SORCS1: variants seen among roughly 807,000 people sequenced by gnomAD.
The protein encoded by SORCS1 is VPS10 domain-containing receptor SorCS1.
A neutral mutation model predicts 146.1 loss-of-function variants in SORCS1; 60 were observed. That is an observed-to-expected ratio of 0.41 (90% CI 0.33 to 0.51). The LOEUF is 0.51. SORCS1 is among the 20% of genes least tolerant of loss of function. SORCS1 has a pLI of 0.21. For synonymous variants in SORCS1, 637 were observed against 584.0 expected, an observed-to-expected ratio of 1.09 and a Z score of -1.31; for missense variants, 1,352 against 1,487.6, an observed-to-expected ratio of 0.91 and a Z score of 1.50.
chr10:106,605,766 T>C (rs1431017969), intron 23 of SORCS1, among the ~76,000 whole-genome samples: 3 of 152,196 alleles, frequency 2.0e-5, no homozygotes, highest in Non-Finnish European at 2.9e-5. Context: ...GGGCTTTCCA[T>C]GAGAGCTCTG....
At chr10:106,976,424 C>G (rs1442910265) in intron 1 of SORCS1, among the ~76,000 whole-genome samples, 1 of 149,804 alleles carries the variant, frequency 6.7e-6, no homozygotes, top group African/African-American at 2.4e-5. Flanking sequence ...CTCCGCCTCC[C>G]GGGTTCACGC....
chr10:106,645,174 T>A (rs993176106), intron 18 of SORCS1, among the ~76,000 whole-genome samples: 4 of 146,656 alleles, frequency 2.7e-5, no homozygotes, highest in African/African-American at 7.5e-5. Context: ...CTTATTATTT[T>A]TTTTTTTTTT....
At chr10:106,731,292 CAAAAAAAAAAAAAAAAAA>C (rs57238882) in intron 5 of SORCS1, among the ~76,000 whole-genome samples, 1 of 23,762 alleles carries the variant, frequency 4.2e-5, no homozygotes, top group Non-Finnish European at 9.0e-5. Flanking sequence ...GACTCCGTCT[CAAAAAAAAAAAAAAAAAA>C]AAAAAAAAAA....
At chr10:107,103,803 C>G (rs1473496946) in intron 1 of SORCS1, among the ~76,000 whole-genome samples, 2 of 152,204 alleles carry the variant, frequency 1.3e-5, no homozygotes, top group South Asian at 4.1e-4. Flanking sequence ...TTATAAAACC[C>G]CTTTGTTCTC....
intron 3 of SORCS1, among the ~76,000 whole-genome samples, chr10:106,807,691 A>ACAAAAGCCTCTTCC (rs1947256879): frequency 6.6e-6 from 1 of 152,232 alleles, no homozygotes; most frequent in African/African-American, 2.4e-5. Context: ...GTAGTTTATA[A>ACAAAAGCCTCTTCC]CAAAAGCCTC....
intron 2 of SORCS1, among the ~76,000 whole-genome samples, chr10:106,947,317 A>T (rs916362960): frequency 2.6e-5 from 4 of 152,234 alleles, no homozygotes; most frequent in African/African-American, 9.6e-5. Flanking sequence ...GTACTTTATA[A>T]AGGTAAAATT....
At chr10:107,165,083 T>C (rs1970006510), upstream of SORCS1, among the ~76,000 whole-genome samples, 1 of 151,896 alleles carries the variant, frequency 6.6e-6, no homozygotes, top group Admixed American at 6.5e-5. This position sits in a 1 kb window ranked among gnomAD's most constrained non-coding sequence, Gnocchi z 4.0. Flanking sequence ...TTTCTATGAG[T>C]CTATGTTGCT....
intron 1 of SORCS1, among the ~76,000 whole-genome samples, chr10:107,019,523 C>T (rs1036187980): frequency 6.6e-6 from 1 of 152,172 alleles, no homozygotes; most frequent in African/African-American, 2.4e-5. Context: ...CCAGACTGAA[C>T]TTTTAGTTCA....
At chr10:107,115,829 G>C (rs1410508246) in intron 1 of SORCS1, among the ~76,000 whole-genome samples, 1 of 152,000 alleles carries the variant, frequency 6.6e-6, no homozygotes, top group East Asian at 1.9e-4. Flanking sequence ...GAATGAGAGA[G>C]AATGTTTGCA....
intron 6 of SORCS1, 64 bp from the exon 7 acceptor site, chr10:106,709,405 G>C: frequency 1.1e-6 from 1 of 891,514 alleles, no homozygotes; most frequent in Admixed American, 2.1e-5. Context: ...GAGATTTACA[G>C]TCAGGGTGGA....
the SORCS1 span, among the ~76,000 whole-genome samples, chr10:107,178,598 A>G: frequency 1.3e-5 from 2 of 151,912 alleles, 1 homozygote; most frequent in South Asian, 4.2e-4. Context: ...TCCCGGGTTC[A>G]AGCAATTCTC....
chr10:107,001,253 G>A (rs1362572305), intron 1 of SORCS1, among the ~76,000 whole-genome samples: 1 of 152,156 alleles, frequency 6.6e-6, no homozygotes, highest in Non-Finnish European at 1.5e-5. Flanking sequence ...ATGTTGGGCT[G>A]GTGCCAGATG....
chr10:106,993,624 A>G (rs751315717), intron 1 of SORCS1, among the ~76,000 whole-genome samples: 28 of 152,216 alleles, frequency 1.8e-4, no homozygotes, highest in Non-Finnish European at 3.5e-4. Flanking sequence ...AATCAGGTAC[A>G]GTATCATGCC....
chr10:106,939,793 T>G (rs1953937145), intron 2 of SORCS1, among the ~76,000 whole-genome samples: 1 of 152,230 alleles, frequency 6.6e-6, no homozygotes, highest in African/African-American at 2.4e-5. Context: ...AAACTTCACC[T>G]GAAATAAGAA....
intron 5 of SORCS1, among the ~76,000 whole-genome samples, chr10:106,757,894 C>T (rs113137973): frequency 4.7e-4 from 71 of 152,286 alleles, no homozygotes; most frequent in African/African-American, 1.7e-3. Context: ...AATTACTTAC[C>T]TTCTCTATGC....
the SORCS1 span, among the ~76,000 whole-genome samples, chr10:107,171,514 CTTT>C: frequency 1.7e-5 from 2 of 117,288 alleles, no homozygotes; most frequent in Admixed American, 9.5e-5. Context: ...GGGAATCCCC[CTTT>C]TTTTTTTTTT....
rs117781566 is a variant in SORCS1, at chr10:106,915,675, G to C, written c.626+40838C>G. 5.5e-3 allele frequency among the ~76,000 whole-genome samples: 835 copies of C among 152,314 alleles called. 6 individuals are homozygous for C. Among genetic ancestry groups the C allele is most frequent in the Middle Eastern group, 0.014 (4 of 294 alleles). On this transcript the variant is annotated intron_variant, in intron 2 of 25. Coordinates refer to ENST00000263054, the MANE Select transcript of SORCS1 (RefSeq NM_052918.5). ...ATGCATGATATATTTGGGGAACATA[G>C]TAGACTCACACTGAAAAAAAGCTGA...
chr10:106,645,679 T>C (rs575499413), intron 18 of SORCS1, among the ~76,000 whole-genome samples: 3 of 152,194 alleles, frequency 2.0e-5, no homozygotes, highest in African/African-American at 7.2e-5. Context: ...GTAGAATTTA[T>C]TTATACTCTT....
At chr10:106,947,266 A>C (rs894084511) in intron 2 of SORCS1, among the ~76,000 whole-genome samples, 1 of 152,234 alleles carries the variant, frequency 6.6e-6, no homozygotes, top group African/African-American at 2.4e-5. Context: ...ATACAAATGC[A>C]TTCATTTTTG....
Sources: gnomAD v4.1 joint callset for allele counts (sites outside exome capture counted in the v4.1 genomes callset) on GRCh38, gnomAD v4.1.1 for gene constraint, Gnocchi (gnomAD v3.1) non-coding constraint, MANE v1.5 for transcripts, NCBI Gene and HGNC (gene_info 2026-07-23, HGNC 2026-07-21) for gene names.